SRBD1: variants seen among roughly 807,000 people sequenced by gnomAD.
SRBD1 encodes S1 RNA binding domain 1.
SRBD1 carries 88 observed loss-of-function variants against 115.3 expected under a neutral mutation model. The observed-to-expected ratio is 0.76, with a 90% CI of 0.64 to 0.91. The LOEUF is 0.91. SRBD1 is among the 40% of genes least tolerant of loss of function. The pLI, the probability that SRBD1 is intolerant of heterozygous loss-of-function variation, is 0.00. For synonymous variants in SRBD1, 509 were observed against 407.7 expected (o/e 1.25, Z -2.99); for missense variants, 1,385 against 1,177.4 (o/e 1.18, Z -2.58).
At chr2:45,599,944 G>A in intron 3 of SRBD1, 109 bp from the exon 4 acceptor site, 1 of 1,262,646 alleles carries the variant, frequency 7.9e-7, no homozygotes, top group Non-Finnish European at 1.1e-6. Context: ...ACAATAACTT[G>A]GAAGAATCTC....
chr2:45,515,074 G>A (rs1031310983), intron 14 of SRBD1, among the ~76,000 whole-genome samples: 2 of 152,104 alleles, frequency 1.3e-5, no homozygotes, highest in Non-Finnish European at 2.9e-5. Flanking sequence ...AATTAATACT[G>A]TTTCAAGCTC....
At chr2:45,593,281 G>A (rs753751298) in intron 4 of SRBD1, among the ~76,000 whole-genome samples, 4 of 151,972 alleles carry the variant, frequency 2.6e-5, no homozygotes, top group South Asian at 4.1e-4. Context: ...ACTGAGGGCC[G>A]AAAAAGTAAA....
intron 14 of SRBD1, among the ~76,000 whole-genome samples, chr2:45,543,137 T>C (rs1175550834): frequency 6.6e-6 from 1 of 152,238 alleles, no homozygotes; most frequent in African/African-American, 2.4e-5. Context: ...CATTTTTTCA[T>C]GAACATTTCA....
intron 14 of SRBD1, among the ~76,000 whole-genome samples, chr2:45,538,095 T>C (rs1407277165): frequency 6.6e-6 from 1 of 152,166 alleles, no homozygotes; most frequent in Non-Finnish European, 1.5e-5. Flanking sequence ...CAGATGAGAA[T>C]GGCTGGTCTG....
In SRBD1 at chr2:45,574,684, T is replaced by C. The variant is rs776016381; in HGVS notation, c.1112A>G (p.His371Arg). 24 of 1,613,726 alleles carry C rather than the reference T, an allele frequency of 1.5e-5. No homozygotes were observed. Among genetic ancestry groups the C allele is most frequent in the Non-Finnish European group, 2.0e-5 (24 of 1,179,868 alleles). Residue 371 changes from histidine (H) to arginine (R), a missense_variant, in exon 8 of 21, where the codon CAT becomes CGT. His to Arg is a conservative substitution (Grantham distance 29). Coordinates refer to ENST00000263736, the MANE Select transcript of SRBD1 (RefSeq NM_018079.5). Reference sequence around the variant, plus strand: ...TTTAGCAATCATATCTGCTAAAATATGCTGCACTCCTATTTCAATATCCTG... The same window carrying C: ...TTTAGCAATCATATCTGCTAAAATACGCTGCACTCCTATTTCAATATCCTG... ...TLQDIEIGVQ[H>R]ILADMIAKDK...
chr2:45,430,258 C>T (rs186567337), intron 16 of SRBD1, among the ~76,000 whole-genome samples: 1 of 152,138 alleles, frequency 6.6e-6, no homozygotes, highest in Non-Finnish European at 1.5e-5. Context: ...CATCAAGCTA[C>T]CACTGACTTT....
At chr2:45,400,911 T>C (rs1435510495) in intron 19 of SRBD1, among the ~76,000 whole-genome samples, 1 of 152,152 alleles carries the variant, frequency 6.6e-6, no homozygotes, top group East Asian at 1.9e-4. Context: ...AGGGGAAAGT[T>C]ATGTCAAGTC....
chr2:45,405,754 A>AAAAGAGGTAAGAATGG (rs141299583), intron 19 of SRBD1, among the ~76,000 whole-genome samples: 1 of 151,772 alleles, frequency 6.6e-6, no homozygotes, highest in African/African-American at 2.4e-5. Flanking sequence ...CAGAATGGGT[A>AAAAGAGGTAAGAATGG]AAAGAGACGA....
chr2:45,403,109 G>A (rs1467827877), intron 19 of SRBD1, among the ~76,000 whole-genome samples: 1 of 152,142 alleles, frequency 6.6e-6, no homozygotes, highest in Non-Finnish European at 1.5e-5. Flanking sequence ...TAGACTTTTA[G>A]TCTGCAAAAT....
intron 16 of SRBD1, among the ~76,000 whole-genome samples, chr2:45,464,545 AC>A (rs1409017892): frequency 1.3e-5 from 2 of 152,232 alleles, no homozygotes; most frequent in Admixed American, 6.5e-5. Context: ...ACTGAATTAC[AC>A]AAAGCATTCT....
At position 45,488,305 on chromosome 2, in the gene SRBD1, A is replaced by AT. The variant is rs1670183052; in HGVS notation, c.1900dup (p.Ile634AsnfsTer7). 1.9e-6 allele frequency: 3 copies of AT among 1,613,810 alleles called. No homozygotes were observed. The highest frequency in any genetic ancestry group is 2.5e-6 in the Non-Finnish European group (3 of 1,179,944). ...GTTAGCTTCAGGGCTGACACTGTAG[A>AT]TTGATGCTCCTGCTTCACTGACGAT... On this transcript the variant is annotated frameshift_variant, in exon 15 of 21. Coordinates refer to ENST00000263736, the MANE Select transcript of SRBD1 (RefSeq NM_018079.5). LOFTEE classifies it high-confidence loss of function.
In SRBD1 at chr2:45,599,799, CT is replaced by C. The variant is rs1314331198; in HGVS notation, c.297del (p.Asp100ThrfsTer12). The C allele has an allele frequency of 6.2e-7, 1 of 1,613,618 alleles. No individual in the cohort carries two copies. Among genetic ancestry groups the C allele is most frequent in the Admixed American group, 1.7e-5 (1 of 59,930 alleles). On this transcript the variant is annotated frameshift_variant, in exon 4 of 21. Coordinates refer to ENST00000263736, the MANE Select transcript of SRBD1 (RefSeq NM_018079.5). LOFTEE classifies it high-confidence loss of function. ...ACAGTATCCAATTTATTTTTTCTGT[CT>C]TCTAAAGCAGTATCAGCAATAGCCA... ...SSVAIADTAL[E>X]DRKNKLDTVQ...
chr2:45,574,482 C>G (rs6544833), intron 8 of SRBD1, 145 bp downstream of exon 8: 81,746 of 653,536 alleles, frequency 0.13, 9,455 homozygotes, highest in African/African-American at 0.48. Context: ...TATATTTGGG[C>G]TCTGTTGTTT....
At chr2:45,490,226 A>AT (rs1024281598) in intron 14 of SRBD1, among the ~76,000 whole-genome samples, 1 of 152,118 alleles carries the variant, frequency 6.6e-6, no homozygotes, top group African/African-American at 2.4e-5. Flanking sequence ...TTAAGAAGTG[A>AT]TTTTTTCAGT....
chr2:45,556,839 T>G (rs1572772706), intron 10 of SRBD1, among the ~76,000 whole-genome samples: 1 of 152,288 alleles, frequency 6.6e-6, no homozygotes, highest in South Asian at 2.1e-4. Flanking sequence ...GGAGTAATAA[T>G]AGTCTACTTC....
chr2:45,570,005 T>C (rs1672959942), intron 9 of SRBD1, among the ~76,000 whole-genome samples: 1 of 152,236 alleles, frequency 6.6e-6, no homozygotes, highest in South Asian at 2.1e-4. Context: ...CTATGGCCCA[T>C]GGGTCAAATC....
intron 16 of SRBD1, among the ~76,000 whole-genome samples, chr2:45,434,140 A>C (rs1251587396): frequency 6.6e-6 from 1 of 152,232 alleles, no homozygotes; most frequent in Non-Finnish European, 1.5e-5. Context: ...ATTTGCATGA[A>C]CCTATTATCA....
At chr2:45,610,927 CA>C (rs10535905) in intron 1 of SRBD1, among the ~76,000 whole-genome samples, 21,480 of 134,270 alleles carry the variant, frequency 0.16, 1,731 homozygotes, top group African/African-American at 0.24. Context: ...GACTCCGTCT[CA>C]AAAAAAAAAA....
At chr2:45,478,823 C>T (rs1669878306) in intron 15 of SRBD1, among the ~76,000 whole-genome samples, 1 of 152,122 alleles carries the variant, frequency 6.6e-6, no homozygotes, top group Non-Finnish European at 1.5e-5. Context: ...TTTAAGAATA[C>T]AGGGATACCT....
Sources: allele counts gnomAD v4.1 joint callset (sites outside exome capture counted in the v4.1 genomes callset), GRCh38; gene constraint gnomAD v4.1.1; transcripts MANE v1.5; gene names NCBI Gene and HGNC (gene_info 2026-07-23, HGNC 2026-07-21).